LRRC8A: variants seen among roughly 807,000 people sequenced by gnomAD.
LRRC8A encodes the protein leucine rich repeat containing 8 VRAC subunit A, also known as volume-regulated anion channel subunit LRRC8A.
A neutral mutation model predicts 52.5 loss-of-function variants in LRRC8A; 24 were observed. That is an observed-to-expected ratio of 0.46 (90% confidence interval 0.33 to 0.64). LRRC8A has a LOEUF of 0.64. LRRC8A is among the 30% of genes least tolerant of loss of function. The pLI, the probability that LRRC8A is intolerant of heterozygous loss-of-function variation, is 0.02. For missense variants in LRRC8A, 677 were observed against 1,094.7 expected (o/e 0.62, Z 5.38); for synonymous variants, 492 against 494.2 (o/e 1.00, Z 0.06).
rs1840374661 is a variant in LRRC8A, at chr9:128,908,911, G to A, written c.1747G>A (p.Val583Ile). The change falls in exon 3 of 4, where the codon GTC (valine) becomes ATC (isoleucine). Residue 583 changes from valine to isoleucine, a missense_variant. Coordinates refer to ENST00000372600, the MANE Select transcript of LRRC8A (RefSeq NM_019594.4). ...CAACAATGAGGGCACCAAGCTCATCGTCCTCAACAGCCTCAAGAAGATGGC... is the reference window on the plus strand; with the variant it reads ...CAACAATGAGGGCACCAAGCTCATCATCCTCAACAGCCTCAAGAAGATGGC... ...SINNEGTKLIVLNSLKKMANL... is the reference protein window; with the variant it reads ...SINNEGTKLIILNSLKKMANL... 10 of 1,613,864 alleles carry A rather than the reference G, an allele frequency of 6.2e-6. No homozygotes were observed. Among genetic ancestry groups the A allele is most frequent in the South Asian group, 2.2e-5 (2 of 91,090 alleles).
chr9:128,914,427 T>C (rs574064632), intron 3 of LRRC8A, among the ~76,000 whole-genome samples: 2 of 152,160 alleles, frequency 1.3e-5, no homozygotes, highest in South Asian at 4.2e-4. Context: ...CTTTTACAAA[T>C]GGGGAAACTG....
rs150061366 is a variant in LRRC8A, at chr9:128,908,391, C to T, written c.1227C>T (p.Asn409=). Residue 409 remains asparagine (N), a synonymous_variant, in exon 3 of 4, where the codon AAC becomes AAT. Coordinates refer to ENST00000372600, the MANE Select transcript of LRRC8A (RefSeq NM_019594.4). ...ENKLRQLNLN[N]EWTLDKLRQR... is the part of the protein sequence containing the mutation. ...AGCTGCGGCAGCTGAACCTCAACAA[C>T]GAGTGGACGCTGGACAAGCTCCGGC... 1.9e-4 allele frequency: 311 copies of T among 1,613,724 alleles called. 2 individuals are homozygous for T. Among genetic ancestry groups the T allele is most frequent in the Middle Eastern group, 8.2e-4 (5 of 6,084 alleles).
chr9:128,897,767 C>T (rs1839871917), intron 2 of LRRC8A, among the ~76,000 whole-genome samples: 1 of 152,048 alleles, frequency 6.6e-6, no homozygotes, highest in African/African-American at 2.4e-5. Context: ...TGGTCTCAAA[C>T]TCCTGACCTC....
chr9:128,904,798 T>G (rs929361545), intron 2 of LRRC8A, among the ~76,000 whole-genome samples: 3 of 151,494 alleles, frequency 2.0e-5, no homozygotes, highest in Admixed American at 6.6e-5. Context: ...AACGAGACCA[T>G]CCTGGCTAAC....
At position 128,902,127 on chromosome 9, in the gene LRRC8A, C is replaced by T. The variant is rs1187492016; in HGVS notation, c.-8-5030C>T. On this transcript the variant is annotated intron_variant, in intron 2 of 3. Coordinates refer to ENST00000372600, the MANE Select transcript of LRRC8A (RefSeq NM_019594.4). This position sits in a 1 kb window ranked among gnomAD's most constrained non-coding sequence, Gnocchi z 4.1. ...AGCCCCAGGCTCTGCCATTGGAACC[C>T]CAGGGCCCTCCTCCACTCCCCAGAC... Among the ~76,000 whole-genome samples the T allele has an allele frequency of 6.6e-6, 1 of 152,222 alleles. No individual in the cohort carries two copies. Among genetic ancestry groups the T allele is most frequent in the Non-Finnish European group, 1.5e-5 (1 of 68,024 alleles).
At position 128,902,422 on chromosome 9, in the gene LRRC8A, G is replaced by C. The variant is rs570277415; in HGVS notation, c.-8-4735G>C. Among the ~76,000 whole-genome samples, 1 of 152,300 alleles carries C rather than the reference G, an allele frequency of 6.6e-6. No homozygotes were observed. Among genetic ancestry groups the C allele is most frequent in the East Asian group, 1.9e-4 (1 of 5,172 alleles). ...CAGAAGGAGGAGTCTGGGTGGTACA[G>C]ACAAGCCCCAGGTCGGCGGGGCTGG... On this transcript the variant is annotated intron_variant, in intron 2 of 3. Coordinates refer to ENST00000372600, the MANE Select transcript of LRRC8A (RefSeq NM_019594.4). This position sits in a 1 kb window ranked among gnomAD's most constrained non-coding sequence, Gnocchi z 4.1.
Position 128,892,814 on chromosome 9 carries a change from G to A in LRRC8A, c.-9+6693G>A, listed in dbSNP as rs1301614495. The stretch of plus-strand genomic sequence containing the variant: ...CTTCGCGCTCCCTGGGAGAGCACTG[G>A]AGGGCCAGCCTTCCCATCTCTGGTA... On this transcript the variant is annotated intron_variant, in intron 2 of 3. Transcript: ENST00000372600. The surrounding 1 kb of genome is among the most constrained non-coding windows in gnomAD (Gnocchi z 5.2). Among the ~76,000 whole-genome samples, 2 of 152,166 alleles carry A rather than the reference G, an allele frequency of 1.3e-5. No homozygotes were observed. Among genetic ancestry groups the A allele is most frequent in the Non-Finnish European group, 2.9e-5 (2 of 68,018 alleles).
At position 128,908,886 on chromosome 9, in the gene LRRC8A, C is replaced by T. The variant is rs1047757022; in HGVS notation, c.1722C>T (p.Ile574=). 10 of 1,613,804 alleles carry T rather than the reference C, an allele frequency of 6.2e-6. No individual in the cohort carries two copies. The part of the protein sequence containing the change: ...DVGVHLQKLS[I]NNEGTKLIVL... ...GCGTGCACCTGCAGAAGCTGTCCAT[C>T]AACAATGAGGGCACCAAGCTCATCG... Residue 574 remains isoleucine, a synonymous_variant, in exon 3 of 4, where the codon ATC becomes ATT. Transcript: ENST00000372600.
chr9:128,896,426 G>T (rs1273561161), intron 2 of LRRC8A, among the ~76,000 whole-genome samples: 1 of 152,194 alleles, frequency 6.6e-6, no homozygotes, highest in East Asian at 1.9e-4. Context: ...TTTCTAAGAT[G>T]CATAAATAAT....
intron 2 of LRRC8A, among the ~76,000 whole-genome samples, chr9:128,894,310 C>T (rs1839738253): frequency 6.6e-6 from 1 of 151,630 alleles, no homozygotes; most frequent in Non-Finnish European, 1.5e-5. Flanking sequence ...GATGAAACCC[C>T]GTCTGTACTA....
Position 128,907,479 on chromosome 9 carries a change from G to A in LRRC8A, c.315G>A (p.Gln105=), listed in dbSNP as rs762092635. The A allele has an allele frequency of 3.1e-6, 5 of 1,614,028 alleles. No homozygotes were observed. Among genetic ancestry groups the A allele is most frequent in the Non-Finnish European group, 4.2e-6 (5 of 1,180,040 alleles). ...TGIKYDLDRH[Q]YNYVDAVCYE... ...TCAAGTATGACCTGGACCGGCACCA[G>A]TACAACTACGTGGACGCTGTGTGCT... Residue 105 remains glutamine, a synonymous_variant, in exon 3 of 4, where the codon CAG becomes CAA. Transcript: ENST00000372600. The surrounding 1 kb of genome is among the most constrained non-coding windows in gnomAD (Gnocchi z 9.3).
chr9:128,907,173 G>A lies in LRRC8A; in HGVS notation c.9G>A (p.Pro3=), dbSNP rs772582955. Residue 3 remains proline, a synonymous_variant, in exon 3 of 4, where the codon CCG becomes CCA. Coordinates refer to ENST00000372600, the MANE Select transcript of LRRC8A (RefSeq NM_019594.4). This position sits in a 1 kb window ranked among gnomAD's most constrained non-coding sequence, Gnocchi z 9.3. Reference sequence around the variant, plus strand: ...CCCTTTTAGGTTGAACCATGATTCCGGTGACAGAGCTCCGCTACTTTGCGG... The same window carrying A: ...CCCTTTTAGGTTGAACCATGATTCCAGTGACAGAGCTCCGCTACTTTGCGG... The part of the protein sequence containing the change: MI[P]VTELRYFADT... 26 of 1,606,784 alleles carry A rather than the reference G, an allele frequency of 1.6e-5. No homozygotes were observed. The highest frequency in any genetic ancestry group is 2.2e-5 in the East Asian group (1 of 44,666).
chr9:128,893,018 T>TG (rs565402224), intron 2 of LRRC8A, among the ~76,000 whole-genome samples: 68 of 152,214 alleles, frequency 4.5e-4, no homozygotes, highest in Middle Eastern at 3.4e-3. Context: ...TGGTGCGTGC[T>TG]GGGGGGGTCT....
rs1840817733 is a variant in LRRC8A, at chr9:128,916,329, G to A, written c.2391G>A (p.Glu797=). The A allele has an allele frequency of 6.2e-7, 1 of 1,612,386 alleles. No individual in the cohort carries two copies. Among genetic ancestry groups the A allele is most frequent in the Admixed American group, 1.7e-5 (1 of 60,026 alleles). ...EEDLFNTLPP[E]VKERLWRADK... ...ACCTGTTCAACACACTGCCACCCGA[G>A]GTGAAGGAGCGGCTGTGGAGGGCTG... The change falls in exon 4 of 4, where the codon GAG becomes GAA. Residue 797 remains glutamate, a synonymous_variant. Transcript: ENST00000372600. This position sits in a 1 kb window ranked among gnomAD's most constrained non-coding sequence, Gnocchi z 6.1.
chr9:128,887,995 C>T (rs1839463627), intron 2 of LRRC8A, among the ~76,000 whole-genome samples: 1 of 152,144 alleles, frequency 6.6e-6, no homozygotes, highest in African/African-American at 2.4e-5. Flanking sequence ...GTGGTCCTGG[C>T]AGAATGCACA....
intron 2 of LRRC8A, among the ~76,000 whole-genome samples, chr9:128,906,694 A>G (rs888779064): frequency 3.3e-5 from 5 of 151,978 alleles, no homozygotes; most frequent in African/African-American, 1.2e-4. Flanking sequence ...CTTTCCTCAT[A>G]TTTTGCGGGA....
chr9:128,916,430 G>T lies in LRRC8A; in HGVS notation c.*59G>T. 1 of 1,542,772 alleles carries T rather than the reference G, an allele frequency of 6.5e-7. No individual in the cohort carries two copies. The highest frequency in any genetic ancestry group is 8.7e-7 in the Non-Finnish European group (1 of 1,144,040). Reference sequence around the variant, plus strand: ...CGCTGCCCAGTCCTCAGGCCCGGAGGGGCAGGCCTAGCTTCTCCCAGAACT... The same window carrying T: ...CGCTGCCCAGTCCTCAGGCCCGGAGTGGCAGGCCTAGCTTCTCCCAGAACT... On this transcript the variant is annotated 3_prime_UTR_variant, in exon 4 of 4. Transcript: ENST00000372600. The surrounding 1 kb of genome is among the most constrained non-coding windows in gnomAD (Gnocchi z 6.1).
rs577496104 is a variant in LRRC8A at position 128,902,830 on chromosome 9, C to T, written c.-8-4327C>T. Among the ~76,000 whole-genome samples, 16 of 152,226 alleles carry T rather than the reference C, an allele frequency of 1.1e-4. No homozygotes were observed. Among genetic ancestry groups the T allele is most frequent in the African/African-American group, 2.6e-4 (11 of 41,552 alleles). Reference sequence around the variant, plus strand: ...TGTGGGGCGGGTGCTTGCCCTGGCCCGTGAGTCCTGGCATCACTAGGAGGA... The same window carrying T: ...TGTGGGGCGGGTGCTTGCCCTGGCCTGTGAGTCCTGGCATCACTAGGAGGA... On this transcript the variant is annotated intron_variant, in intron 2 of 3. Coordinates refer to ENST00000372600, the MANE Select transcript of LRRC8A (RefSeq NM_019594.4). The surrounding 1 kb of genome is among the most constrained non-coding windows in gnomAD (Gnocchi z 4.1).
At chr9:128,897,613 C>G (rs1182574267) in intron 2 of LRRC8A, among the ~76,000 whole-genome samples, 1 of 151,456 alleles carries the variant, frequency 6.6e-6, no homozygotes, top group Non-Finnish European at 1.5e-5. Flanking sequence ...GGCGCAATCT[C>G]GGCTCACTGC....
Sources: allele counts gnomAD v4.1 joint callset (sites outside exome capture counted in the v4.1 genomes callset), GRCh38; gene constraint gnomAD v4.1.1; non-coding constraint Gnocchi (gnomAD v3.1); transcripts MANE v1.5; gene names NCBI Gene and HGNC (gene_info 2026-07-23, HGNC 2026-07-21).